The following PRPF31 variants were observed in gnomAD, a reference collection of about 807,000 sequenced individuals.
PRPF31 encodes the protein U4/U6 small nuclear ribonucleoprotein Prp31.
In PRPF31, 12 loss-of-function variants were observed where a neutral mutation model predicts 60.4. That is an observed-to-expected ratio of 0.20 (90% CI 0.13 to 0.32). PRPF31 has a LOEUF of 0.32. Ranked by LOEUF, PRPF31 falls within the 10% of genes least tolerant of loss-of-function variation. PRPF31 has a pLI of 1.00. For synonymous variants in PRPF31, 287 were observed against 287.9 expected (o/e 1.00, Z 0.03); for missense variants, 431 against 687.1 (o/e 0.63, Z 4.17).
intron 5 of PRPF31, 112 bp downstream of exon 5, chr19:54,122,706 C>A: frequency 1.1e-6 from 1 of 888,282 alleles, no homozygotes; most frequent in Non-Finnish European, 1.9e-6. Flanking sequence ...GAGGAGTGGA[C>A]GAGGGCTCAG....
chr19:54,122,456 C>G (rs759545861), intron 4 of PRPF31, 41 bp from the exon 5 acceptor site: 5 of 1,468,178 alleles, frequency 3.4e-6, no homozygotes, highest in Non-Finnish European at 4.8e-6. Flanking sequence ...CAGAGTCTAC[C>G]TTCCATCTCA....
chr19:54,119,489 A>G (rs921317307), intron 3 of PRPF31: 15 of 149,326 alleles, frequency 1.0e-4, no homozygotes, highest in Non-Finnish European at 4.4e-5. Context: ...TCCTGTTACC[A>G]TTCCTATTCT....
In PRPF31 at chr19:54,126,586, T is replaced by C. The variant is rs780271221; in HGVS notation, c.914T>C (p.Val305Ala). 1 of 1,613,672 alleles carries C rather than the reference T, an allele frequency of 6.2e-7. No individual in the cohort carries two copies. The highest frequency in any genetic ancestry group is 8.5e-7 in the Non-Finnish European group (1 of 1,179,908). Residue 305 changes from valine (V) to alanine (A), a missense_variant, in exon 9 of 14, where the codon GTG (valine) becomes GCG (alanine). Coordinates refer to ENST00000321030, the MANE Select transcript of PRPF31 (RefSeq NM_015629.4). Reference protein sequence around the residue: ...VAAKCTLAARVDSFHESTEGK... With the variant: ...VAAKCTLAARADSFHESTEGK... ...GCCAAGTGCACACTGGCAGCCCGTG[T>C]GGACAGTTTCCACGAGAGCACAGAA...
intron 3 of PRPF31, chr19:54,118,951 G>A: frequency 2.4e-6 from 1 of 411,752 alleles, no homozygotes; most frequent in Non-Finnish European, 4.3e-6. Context: ...CCTATTATTT[G>A]CTTAACATAT....
chr19:54,125,392 AG>A (rs1157218508), intron 8 of PRPF31: 1 of 152,644 alleles, frequency 6.6e-6, no homozygotes, highest in Non-Finnish European at 1.5e-5. Context: ...GCTACTTGGG[AG>A]GCTGAGGCAG....
intron 3 of PRPF31, among the ~76,000 whole-genome samples, chr19:54,120,779 T>C (rs1305960343): frequency 6.6e-6 from 1 of 152,024 alleles, no homozygotes; most frequent in African/African-American, 2.4e-5. Context: ...GGCTAATTTT[T>C]TTTCTTTAAT....
At chr19:54,126,769 C>T in intron 9 of PRPF31, 152 bp downstream of exon 9, 1 of 813,432 alleles carries the variant, frequency 1.2e-6, no homozygotes, top group Non-Finnish European at 2.1e-6. Context: ...TGGGGTCAGG[C>T]ACCCCCTTCC....
Position 54,123,657 on chromosome 19 carries a change from C to A in PRPF31, c.528-92C>A, listed in dbSNP as rs1346132099. 5.0e-6 allele frequency: 8 copies of A among 1,585,508 alleles called. No homozygotes were observed. In the African/African-American group the frequency reaches 9.5e-5, roughly 19 times the overall value. ...GTACACACGCACACACACATACACA[C>A]ATGCACACACACACACAGAACCGAG... is the stretch of plus-strand genomic sequence containing the variant. On this transcript the variant is annotated intron_variant, in intron 6 of 13. Transcript: ENST00000321030.
At chr19:54,124,073 G>T in intron 7 of PRPF31, 155 bp downstream of exon 7, 1 of 1,441,734 alleles carries the variant, frequency 6.9e-7, no homozygotes, top group South Asian at 1.4e-5. Flanking sequence ...CTGGCACACA[G>T]CAAAGCCTCA....
intron 9 of PRPF31, among the ~76,000 whole-genome samples, chr19:54,127,118 T>TAAAAAC (rs1203186534): frequency 6.6e-6 from 1 of 152,162 alleles, no homozygotes; most frequent in African/African-American, 2.4e-5. Context: ...AGACTCCATC[T>TAAAAAC]AAAAACAAAA....
intron 3 of PRPF31, 94 bp from the exon 4 acceptor site, chr19:54,121,766 C>A: frequency 1.6e-6 from 2 of 1,225,436 alleles, no homozygotes; most frequent in Non-Finnish European, 2.3e-6. Context: ...CCTTCCTGAC[C>A]CCTCCCAACT....
At chr19:54,122,894 C>G (rs1294773545) in intron 5 of PRPF31, 4 of 546,602 alleles carry the variant, frequency 7.3e-6, no homozygotes, top group Non-Finnish European at 1.3e-5. Flanking sequence ...GGCAGGCACA[C>G]GGAGATTTGG....
At chr19:54,120,041 G>C (rs1382677778) in intron 3 of PRPF31, 3 of 152,262 alleles carry the variant, frequency 2.0e-5, no homozygotes, top group Non-Finnish European at 4.4e-5. Context: ...CGGAGCCACA[G>C]GAGGGACTGG....
At position 54,127,495 on chromosome 19, in the gene PRPF31, C is replaced by T. The variant is rs587710112; in HGVS notation, c.946-578C>T. On this transcript the variant is annotated intron_variant, in intron 9 of 13. Transcript: ENST00000321030. ...TCACAATCCTTAAAATCCTTCTTAA[C>T]CTCTTCACGTCCCTTTTGCCCTGTG... 9.9e-5 allele frequency among the ~76,000 whole-genome samples: 15 copies of T among 151,948 alleles called. No individual in the cohort carries two copies. The East Asian group carries it at 2.1e-3, about 21-fold the overall frequency.
intron 7 of PRPF31, 22 bp downstream of exon 7, chr19:54,123,940 C>T (rs769629620): frequency 6.2e-7 from 1 of 1,612,666 alleles, no homozygotes; most frequent in Non-Finnish European, 8.5e-7. Flanking sequence ...GGCTGGGTCC[C>T]ATGGAGCGGG....
intron 8 of PRPF31, chr19:54,124,888 C>T: frequency 1.6e-6 from 1 of 606,774 alleles, no homozygotes; most frequent in East Asian, 2.8e-5. Context: ...CAGTCTCCTC[C>T]CCTATCAAAT....
intron 13 of PRPF31, 59 bp downstream of exon 13, chr19:54,129,429 C>A: frequency 6.6e-7 from 1 of 1,520,864 alleles, no homozygotes. Flanking sequence ...GCCCCTTGCC[C>A]TCTGCCCCTG....
rs750295489 is a variant in PRPF31, at chr19:54,123,469, C to T, written c.436C>T (p.Leu146=). ...TCGCCCCCAGGAGCTGGGCAACAGCCTGGACAAGTGCAAGAACAATGAGAA... is the reference window on the plus strand; with the variant it reads ...TCGCCCCCAGGAGCTGGGCAACAGCTTGGACAAGTGCAAGAACAATGAGAA... ...IRTVKELGNS[L]DKCKNNENLQ... Residue 146 remains leucine, a synonymous_variant, in exon 6 of 14, where the codon CTG becomes TTG. Transcript: ENST00000321030. The T allele has an allele frequency of 6.2e-7, 1 of 1,614,164 alleles. No homozygotes were observed. The highest frequency in any genetic ancestry group is 1.1e-5 in the South Asian group (1 of 91,082).
intron 10 of PRPF31, 46 bp from the exon 11 acceptor site, chr19:54,128,259 C>G (rs1293058940): frequency 6.4e-7 from 1 of 1,556,180 alleles, no homozygotes; most frequent in Non-Finnish European, 8.7e-7. Flanking sequence ...AGCCGGCGTC[C>G]TCCTCCCAGC....
Sources: gnomAD v4.1 joint callset for allele counts (sites outside exome capture counted in the v4.1 genomes callset) on GRCh38, gnomAD v4.1.1 for gene constraint, MANE v1.5 for transcripts, NCBI Gene and HGNC (gene_info 2026-07-23, HGNC 2026-07-21) for gene names.